The following ATRNL1 variants were observed in gnomAD, a reference collection of about 807,000 sequenced individuals.
The protein encoded by ATRNL1 is attractin like 1.
ATRNL1 carries 95 observed loss-of-function variants against 182.7 expected under a neutral mutation model. The observed-to-expected ratio is 0.52, with a 90% confidence interval of 0.44 to 0.62. The LOEUF is 0.62. ATRNL1 is among the 20% of genes least tolerant of loss of function. The pLI is 0.00. For synonymous variants in ATRNL1, 576 were observed against 568.3 expected (o/e 1.01, Z -0.19); for missense variants, 1,471 against 1,679.5 (o/e 0.88, Z 2.17).
intron 13 of ATRNL1, among the ~76,000 whole-genome samples, chr10:115,278,070 T>C (rs1852184490): frequency 6.6e-6 from 1 of 152,208 alleles, no homozygotes; most frequent in South Asian, 2.1e-4. Context: ...TTACTACTTT[T>C]CATTTCTGCC....
intron 19 of ATRNL1, among the ~76,000 whole-genome samples, chr10:115,359,021 G>A (rs539797804): frequency 6.6e-6 from 1 of 151,616 alleles, no homozygotes; most frequent in African/African-American, 2.4e-5. Flanking sequence ...ATTTAAATGG[G>A]TGTTATGTCC....
intron 23 of ATRNL1, among the ~76,000 whole-genome samples, chr10:115,468,329 T>G (rs1434849945): frequency 6.6e-6 from 1 of 150,850 alleles, no homozygotes; most frequent in East Asian, 1.9e-4. Context: ...ATGCAAGACA[T>G]CACGTGTTCT....
chr10:115,322,674 G>A (rs2134035333), intron 18 of ATRNL1, among the ~76,000 whole-genome samples: 1 of 152,058 alleles, frequency 6.6e-6, no homozygotes, highest in South Asian at 2.1e-4. Flanking sequence ...TTTCTTGTAT[G>A]GCTGGCCTTC....
intron 26 of ATRNL1, among the ~76,000 whole-genome samples, chr10:115,565,408 G>C (rs1158958544): frequency 6.6e-6 from 1 of 151,850 alleles, no homozygotes; most frequent in East Asian, 1.9e-4. Context: ...GTGTGAGTTT[G>C]TGTGTGTGTG....
chr10:115,148,750 T>G (rs1263222976), intron 5 of ATRNL1, among the ~76,000 whole-genome samples: 2 of 149,502 alleles, frequency 1.3e-5, no homozygotes, highest in Non-Finnish European at 3.0e-5. Context: ...ATGCGTTTTT[T>G]TTTTTTTTTT....
intron 7 of ATRNL1, among the ~76,000 whole-genome samples, chr10:115,167,281 C>A (rs782748219): frequency 5.3e-5 from 8 of 151,784 alleles, no homozygotes; most frequent in Non-Finnish European, 1.2e-4. Flanking sequence ...ATGCTAGTAC[C>A]GTACTATTTA....
At chr10:115,277,260 T>G (rs1554915147) in intron 13 of ATRNL1, among the ~76,000 whole-genome samples, 1 of 152,132 alleles carries the variant, frequency 6.6e-6, no homozygotes, top group Non-Finnish European at 1.5e-5. Flanking sequence ...ATGTATCTTC[T>G]GTAATTTTTT....
chr10:115,438,099 T>C (rs1846490583), intron 21 of ATRNL1, among the ~76,000 whole-genome samples: 1 of 152,046 alleles, frequency 6.6e-6, no homozygotes, highest in Non-Finnish European at 1.5e-5. Flanking sequence ...AGTTTGTTTC[T>C]CAAAAAATTC....
intron 5 of ATRNL1, among the ~76,000 whole-genome samples, chr10:115,135,942 T>C (rs1413967226): frequency 1.3e-5 from 2 of 152,064 alleles, no homozygotes; most frequent in Admixed American, 1.3e-4. Flanking sequence ...TCTTGCAGCG[T>C]TGACCTTCCA....
intron 26 of ATRNL1, among the ~76,000 whole-genome samples, chr10:115,678,636 G>A (rs11197403): frequency 0.012 from 1,767 of 152,158 alleles, 33 homozygotes; most frequent in African/African-American, 0.04. Flanking sequence ...ATTAAAGACA[G>A]AAGTTTATAT....
intron 9 of ATRNL1, among the ~76,000 whole-genome samples, chr10:115,217,998 A>G (rs1849296448): frequency 6.6e-6 from 1 of 152,020 alleles, no homozygotes; most frequent in African/African-American, 2.4e-5. Flanking sequence ...GGTTTTGTGG[A>G]GACAGTTTTT....
chr10:115,457,635 T>C (rs1299965357), intron 21 of ATRNL1, among the ~76,000 whole-genome samples: 2 of 152,122 alleles, frequency 1.3e-5, no homozygotes, highest in African/African-American at 4.8e-5. Flanking sequence ...CTTTCTCAGC[T>C]GATGGCCTTT....
At chr10:115,175,372 G>A (rs1847462510) in intron 8 of ATRNL1, among the ~76,000 whole-genome samples, 1 of 151,892 alleles carries the variant, frequency 6.6e-6, no homozygotes, top group African/African-American at 2.4e-5. Flanking sequence ...TAATCTCCTG[G>A]TAGGTTTTTG....
At chr10:115,455,609 T>C (rs573010412) in intron 21 of ATRNL1, among the ~76,000 whole-genome samples, 1 of 151,874 alleles carries the variant, frequency 6.6e-6, no homozygotes, top group East Asian at 1.9e-4. Context: ...CAAAAGCAAT[T>C]GCAACAAAAG....
At chr10:115,470,308 A>G (rs1848245396) in intron 24 of ATRNL1, among the ~76,000 whole-genome samples, 1 of 150,506 alleles carries the variant, frequency 6.6e-6, no homozygotes, top group South Asian at 2.1e-4. Flanking sequence ...ATGAGGATAA[A>G]TTACTATTCA....
chr10:115,349,263 A>G (rs1564940091), intron 19 of ATRNL1, among the ~76,000 whole-genome samples: 1 of 152,188 alleles, frequency 6.6e-6, no homozygotes, highest in Non-Finnish European at 1.5e-5. Flanking sequence ...CTCTAGTTCC[A>G]TCAGTGTCAT....
chr10:115,627,737 T>C (rs1360667443), intron 26 of ATRNL1, among the ~76,000 whole-genome samples: 3 of 152,176 alleles, frequency 2.0e-5, no homozygotes, highest in African/African-American at 7.2e-5. Flanking sequence ...TTCTACCTTT[T>C]GGCAATTGTG....
At chr10:115,275,712 T>C (rs546719458) in intron 13 of ATRNL1, among the ~76,000 whole-genome samples, 1 of 152,218 alleles carries the variant, frequency 6.6e-6, no homozygotes, top group African/African-American at 2.4e-5. Context: ...ATGCCAGTGC[T>C]CCCCTCCCAA....
At position 115,146,395 on chromosome 10, in the gene ATRNL1, C is replaced by T. The variant is rs556298748; in HGVS notation, c.830-13645C>T. Among the ~76,000 whole-genome samples, 13 of 151,894 alleles carry T rather than the reference C, an allele frequency of 8.6e-5. No individual in the cohort carries two copies. The South Asian group carries it at 2.3e-3, about 27-fold the overall frequency. On this transcript the variant is annotated intron_variant, in intron 5 of 28. Coordinates refer to ENST00000355044, the MANE Select transcript of ATRNL1 (RefSeq NM_207303.4). ...GGGGTATATGTGAGTATTTGTTATC[C>T]GCATAGAATGTGTAATGATGAAGTC...
Sources: gnomAD v4.1 joint callset for allele counts (sites outside exome capture counted in the v4.1 genomes callset) on GRCh38, gnomAD v4.1.1 for gene constraint, MANE v1.5 for transcripts, NCBI Gene and HGNC (gene_info 2026-07-23, HGNC 2026-07-21) for gene names.